The following CLIC5 variants were observed in gnomAD, a reference collection of about 807,000 sequenced individuals.
CLIC5 encodes the protein CLIC family member 5.
In CLIC5, 20 loss-of-function variants were observed where a neutral mutation model predicts 24.7. That is an observed-to-expected ratio of 0.81 (90% CI 0.57 to 1.18). The LOEUF (loss-of-function observed/expected upper bound fraction) is 1.18, where lower values mean the gene tolerates loss of function less well. Ranked by LOEUF, CLIC5 falls within the 50% of genes most tolerant of loss-of-function variation. The pLI is 0.00. For synonymous variants in CLIC5, 159 were observed against 135.6 expected (o/e 1.17, Z -1.20); for missense variants, 341 against 326.1 (o/e 1.05, Z -0.35).
chr6:45,941,124 C>G (rs1764114278), intron 4 of CLIC5, among the ~76,000 whole-genome samples: 2 of 152,164 alleles, frequency 1.3e-5, no homozygotes, highest in African/African-American at 4.8e-5. Flanking sequence ...CTCCCTTGGC[C>G]TCTGGAAAAA....
chr6:46,015,876 A>T (rs1156452865), upstream of CLIC5: 1 of 1,056,964 alleles, frequency 9.5e-7, no homozygotes, highest in Non-Finnish European at 1.1e-6. Flanking sequence ...CGCCGCCGCC[A>T]ACGCGCCCAA....
At chr6:46,126,308 C>T in the CLIC5 span, among the ~76,000 whole-genome samples, 1 of 152,114 alleles carries the variant, frequency 6.6e-6, no homozygotes, top group East Asian at 1.9e-4. Flanking sequence ...ATTAGAGGCA[C>T]CTTGAGGGCA....
intron 1 of CLIC5, among the ~76,000 whole-genome samples, chr6:46,051,822 G>A (rs1173432844): frequency 6.6e-6 from 1 of 152,120 alleles, no homozygotes; most frequent in Middle Eastern, 3.2e-3. Context: ...TATGGAAATT[G>A]GGGCTCAAAT....
In CLIC5 at chr6:46,079,745, CT is replaced by C; in HGVS notation, c.497del (p.Lys166ArgfsTer6). ...TCTCAGGGTTCATGTGAGCTCCCTCCTTTTCTTCCAAACCTTCAGCATCAGA... is the reference window on the plus strand; with the variant it reads ...TCTCAGGGTTCATGTGAGCTCCCTCCTTTCTTCCAAACCTTCAGCATCAGA... On this transcript the variant is annotated frameshift_variant, in exon 1 of 6. Coordinates refer to the CLIC5 transcript ENST00000185206. LOFTEE classifies it high-confidence loss of function. 1 of 1,551,822 alleles carries C rather than the reference CT, an allele frequency of 6.4e-7. No homozygotes were observed. Among genetic ancestry groups the C allele is most frequent in the Non-Finnish European group, 8.7e-7 (1 of 1,146,992 alleles).
chr6:46,033,185 C>T (rs1767560441), intron 1 of CLIC5, among the ~76,000 whole-genome samples: 1 of 151,662 alleles, frequency 6.6e-6, no homozygotes. Context: ...GACAGGGTTT[C>T]ACCATATTGG....
chr6:46,000,954 C>T (rs1766333714), intron 1 of CLIC5, among the ~76,000 whole-genome samples: 1 of 152,176 alleles, frequency 6.6e-6, no homozygotes, highest in Non-Finnish European at 1.5e-5. Flanking sequence ...ATCTGATAAC[C>T]ACTCTTTGAA....
At chr6:45,957,930 G>C (rs1451268259) in intron 1 of CLIC5, among the ~76,000 whole-genome samples, 1 of 135,208 alleles carries the variant, frequency 7.4e-6, no homozygotes, top group Non-Finnish European at 1.6e-5. Flanking sequence ...GGAAAACCCA[G>C]GTGTACTTTG....
At chr6:45,994,816 A>G (rs866373770) in intron 1 of CLIC5, among the ~76,000 whole-genome samples, 6 of 152,080 alleles carry the variant, frequency 3.9e-5, no homozygotes, top group Non-Finnish European at 8.8e-5. Context: ...GACACTTCCT[A>G]TCCTTGACAG....
chr6:46,031,681 C>G (rs1040672593), intron 1 of CLIC5, among the ~76,000 whole-genome samples: 8 of 151,718 alleles, frequency 5.3e-5, no homozygotes, highest in African/African-American at 1.9e-4. Flanking sequence ...ATGTACCAAA[C>G]TAAATGTCCT....
the CLIC5 span, among the ~76,000 whole-genome samples, chr6:46,107,878 A>C: frequency 6.6e-6 from 1 of 152,252 alleles, no homozygotes; most frequent in East Asian, 1.9e-4. Flanking sequence ...TCTACTAAAA[A>C]TACAAAATTA....
In CLIC5 at chr6:45,944,601, A is replaced by C. The variant is rs1432222497; in HGVS notation, c.300-2948T>G. The stretch of plus-strand genomic sequence containing the variant: ...TTTTCAAAAGTAGAAAATAGTAGCA[A>C]AAAAAGAGAAAACCATTGCAGATGG... On this transcript the variant is annotated intron_variant, in intron 3 of 5. Coordinates refer to ENST00000339561, the MANE Select transcript of CLIC5 (RefSeq NM_016929.5). Among the ~76,000 whole-genome samples, 4 of 152,230 alleles carry C rather than the reference A, an allele frequency of 2.6e-5. No individual in the cohort carries two copies. The East Asian group carries it at 7.7e-4, about 29-fold the overall frequency.
At chr6:45,980,155 G>C (rs1476591985) in intron 1 of CLIC5, among the ~76,000 whole-genome samples, 3 of 152,006 alleles carry the variant, frequency 2.0e-5, no homozygotes, top group Non-Finnish European at 4.4e-5. Context: ...ATTGAACAGG[G>C]AGTCCTTTCT....
At chr6:46,056,839 T>C (rs895246987) in intron 1 of CLIC5, among the ~76,000 whole-genome samples, 2 of 152,174 alleles carry the variant, frequency 1.3e-5, no homozygotes, top group Non-Finnish European at 2.9e-5. Flanking sequence ...AACTTCATAC[T>C]CATATGCCTT....
At chr6:46,074,583 G>A (rs1180062784) in intron 1 of CLIC5, among the ~76,000 whole-genome samples, 1 of 152,168 alleles carries the variant, frequency 6.6e-6, no homozygotes, top group Admixed American at 6.5e-5. Flanking sequence ...CCGCATGAGG[G>A]CCCTATAAGT....
intron 6 of CLIC5, among the ~76,000 whole-genome samples, chr6:45,881,350 C>A (rs1253348437): frequency 2.0e-5 from 3 of 152,132 alleles, no homozygotes; most frequent in Admixed American, 6.5e-5. Flanking sequence ...GTAAAGGTAA[C>A]TAATGGAGAG....
the CLIC5 span, among the ~76,000 whole-genome samples, chr6:46,125,566 AAAGTAT>A: frequency 6.6e-6 from 1 of 152,102 alleles, no homozygotes; most frequent in African/African-American, 2.4e-5. Flanking sequence ...CTTAGAACTT[AAAGTAT>A]AATTAAAATA....
At chr6:46,096,219 C>G in the CLIC5 span, among the ~76,000 whole-genome samples, 2 of 152,164 alleles carry the variant, frequency 1.3e-5, no homozygotes, top group African/African-American at 4.8e-5. Flanking sequence ...GGGAAATCTG[C>G]CCCTATGATT....
rs376869218 is a variant in CLIC5 at position 46,040,236 on chromosome 6, C to T, written c.540+39467G>A. Among the ~76,000 whole-genome samples the T allele has an allele frequency of 1.1e-4, 16 of 151,960 alleles. No individual in the cohort carries two copies. In the East Asian group the frequency reaches 1.2e-3, roughly 11 times the overall value. ...ATGGTGGTGGTGAAAATGATGGTGA[C>T]GGTAGCATGTGATGACACTGTTGTT... On this transcript the variant is annotated intron_variant, in intron 1 of 5. Coordinates refer to the CLIC5 transcript ENST00000185206.
At chr6:45,905,150 A>G (rs1005734912) in intron 5 of CLIC5, among the ~76,000 whole-genome samples, 1 of 152,162 alleles carries the variant, frequency 6.6e-6, no homozygotes, top group South Asian at 2.1e-4. Context: ...GGTTGATTTC[A>G]TGTCTTTGCT....
Sources: allele counts gnomAD v4.1 joint callset (sites outside exome capture counted in the v4.1 genomes callset), GRCh38; gene constraint gnomAD v4.1.1; transcripts MANE v1.5; gene names NCBI Gene and HGNC (gene_info 2026-07-23, HGNC 2026-07-21).